TMEM87A: variants seen among roughly 807,000 people sequenced by gnomAD.
The protein encoded by TMEM87A is transmembrane protein 87A, also known as Golgi-pH regulating cation channel.
Under a neutral mutation model 90.0 loss-of-function variants are expected in TMEM87A, and 50 were observed. The ratio of observed to expected loss-of-function variants is 0.56; its 90% CI spans 0.44 to 0.70. The LOEUF is 0.70. Ranked by LOEUF, TMEM87A falls within the 30% of genes least tolerant of loss-of-function variation. The pLI is 0.00. For missense variants in TMEM87A, 577 were observed against 660.5 expected, an observed-to-expected ratio of 0.87 and a Z score of 1.39; for synonymous variants, 226 against 226.7, an observed-to-expected ratio of 1.00 and a Z score of 0.03.
rs772485355 is a variant in TMEM87A, at chr15:42,233,206, T to C, written c.1062+7A>G. The C allele has an allele frequency of 6.2e-7, 1 of 1,608,452 alleles. No homozygotes were observed. The highest frequency in any genetic ancestry group is 8.5e-7 in the Non-Finnish European group (1 of 1,174,984). ...GACCACAGAAAATGAGATTAAGCAG[T>C]ACTAACCCCAGTAACTCTGAGGACC... is the stretch of plus-strand genomic sequence containing the variant. On this transcript the variant is annotated splice_region_variant and intron_variant, in intron 11 of 19. Coordinates refer to ENST00000389834, the MANE Select transcript of TMEM87A (RefSeq NM_015497.5).
At chr15:42,245,635 C>T (rs1323205919) in intron 6 of TMEM87A, among the ~76,000 whole-genome samples, 1 of 151,464 alleles carries the variant, frequency 6.6e-6, no homozygotes, top group Non-Finnish European at 1.5e-5. Flanking sequence ...AGCAATTCTC[C>T]TGCCTCAGCC....
intron 8 of TMEM87A, 83 bp from the exon 9 acceptor site, chr15:42,237,698 T>TC: frequency 2.5e-6 from 3 of 1,215,732 alleles, no homozygotes; most frequent in Non-Finnish European, 3.2e-6. Context: ...TATATACTTT[T>TC]TTTTTTTTTT....
intron 3 of TMEM87A, among the ~76,000 whole-genome samples, chr15:42,264,683 G>A (rs373428316): frequency 1.7e-5 from 2 of 116,366 alleles, no homozygotes; most frequent in African/African-American, 3.0e-5. Flanking sequence ...ATATGTGTGT[G>A]TATATATATA....
intron 7 of TMEM87A, among the ~76,000 whole-genome samples, chr15:42,243,589 G>A (rs1469792525): frequency 6.9e-6 from 1 of 145,938 alleles, no homozygotes; most frequent in Non-Finnish European, 1.5e-5. Flanking sequence ...GCGTGATCTC[G>A]GCTCACCACA....
chr15:42,233,582 T>G (rs1190978995), intron 10 of TMEM87A, among the ~76,000 whole-genome samples: 1 of 152,156 alleles, frequency 6.6e-6, no homozygotes, highest in Non-Finnish European at 1.5e-5. Context: ...TGCACCCTTA[T>G]AAACCCTTCA....
chr15:42,247,593 T>C (rs1028476331), intron 6 of TMEM87A, among the ~76,000 whole-genome samples: 4 of 152,194 alleles, frequency 2.6e-5, no homozygotes, highest in African/African-American at 9.7e-5. Flanking sequence ...GATCAGATGG[T>C]TGTAAATGTG....
At chr15:42,221,771 G>C (rs749938236) in intron 15 of TMEM87A, among the ~76,000 whole-genome samples, 1 of 152,100 alleles carries the variant, frequency 6.6e-6, no homozygotes, top group Non-Finnish European at 1.5e-5. Flanking sequence ...ATTTTTTTGA[G>C]ACAGGGTCTT....
chr15:42,235,302 G>C (rs1408719250), intron 10 of TMEM87A, among the ~76,000 whole-genome samples: 1 of 152,206 alleles, frequency 6.6e-6, no homozygotes, highest in Non-Finnish European at 1.5e-5. Flanking sequence ...GCCTCCCAAA[G>C]TGTGAGGATT....
intron 9 of TMEM87A, 69 bp downstream of exon 9, chr15:42,237,363 C>A: frequency 6.6e-7 from 1 of 1,510,952 alleles, no homozygotes; most frequent in Non-Finnish European, 9.1e-7. Context: ...TGACTGCTGA[C>A]CTTAGGAATA....
At chr15:42,231,870 C>T (rs1186576824) in intron 11 of TMEM87A, 3 of 1,277,574 alleles carry the variant, frequency 2.3e-6, no homozygotes, top group Non-Finnish European at 3.1e-6. Flanking sequence ...GCGTCAATTG[C>T]TGAGAGGGCC....
At chr15:42,238,900 G>C (rs1036216919) in intron 8 of TMEM87A, among the ~76,000 whole-genome samples, 5 of 151,786 alleles carry the variant, frequency 3.3e-5, no homozygotes, top group Non-Finnish European at 7.4e-5. Flanking sequence ...ACTATTAAAG[G>C]GAAAGGAAGA....
chr15:42,237,390 C>T, intron 9 of TMEM87A, 42 bp downstream of exon 9: 2 of 1,600,412 alleles, frequency 1.2e-6, no homozygotes, highest in Non-Finnish European at 1.7e-6. Flanking sequence ...TACATCTCAC[C>T]TTCCAACCAC....
At chr15:42,216,221 C>A (rs2050381516) in intron 19 of TMEM87A, among the ~76,000 whole-genome samples, 1 of 152,042 alleles carries the variant, frequency 6.6e-6, no homozygotes. Context: ...ATGCCAGGCG[C>A]TGAGGGAGGG....
intron 14 of TMEM87A, 194 bp from the exon 15 acceptor site, chr15:42,227,103 T>C: frequency 1.8e-6 from 1 of 557,364 alleles, no homozygotes; most frequent in Admixed American, 3.3e-5. Context: ...TTGTAGTGCT[T>C]ACTGTTGTTA....
intron 3 of TMEM87A, among the ~76,000 whole-genome samples, chr15:42,266,677 G>A (rs1300833254): frequency 6.6e-6 from 1 of 152,066 alleles, no homozygotes; most frequent in Non-Finnish European, 1.5e-5. Context: ...CAAACTGGCA[G>A]TTTTTAAAAA....
intron 7 of TMEM87A, among the ~76,000 whole-genome samples, chr15:42,240,774 T>A (rs1308052201): frequency 6.6e-6 from 1 of 152,280 alleles, no homozygotes; most frequent in East Asian, 1.9e-4. Flanking sequence ...GATATACCAT[T>A]ATTTAAAGTA....
chr15:42,236,041 T>C (rs911375584), intron 10 of TMEM87A, among the ~76,000 whole-genome samples: 2 of 152,234 alleles, frequency 1.3e-5, no homozygotes, highest in Non-Finnish European at 2.9e-5. Context: ...TATGGAAATA[T>C]ATTCGGAAGT....
intron 4 of TMEM87A, among the ~76,000 whole-genome samples, chr15:42,262,555 C>T (rs923561660): frequency 1.3e-5 from 2 of 151,496 alleles, no homozygotes; most frequent in African/African-American, 4.9e-5. Context: ...TCCCGAGTAG[C>T]TGGGATTACA....
intron 2 of TMEM87A, among the ~76,000 whole-genome samples, chr15:42,269,147 A>C (rs2051462966): frequency 6.6e-6 from 1 of 152,172 alleles, no homozygotes; most frequent in African/African-American, 2.4e-5. Context: ...AAGACTTGGG[A>C]GGGTAAATCT....
Sources: gnomAD v4.1 joint callset for allele counts (sites outside exome capture counted in the v4.1 genomes callset) on GRCh38, gnomAD v4.1.1 for gene constraint, MANE v1.5 for transcripts, NCBI Gene and HGNC (gene_info 2026-07-23, HGNC 2026-07-21) for gene names.